The following MYLK variants were observed in gnomAD, a reference collection of about 807,000 sequenced individuals.
The protein encoded by MYLK is myosin light chain kinase.
MYLK carries 106 observed loss-of-function variants against 203.4 expected under a neutral mutation model. The observed-to-expected ratio is 0.52, with a 90% confidence interval of 0.45 to 0.61. MYLK has a LOEUF of 0.61. Ranked by LOEUF, MYLK falls within the 20% of genes least tolerant of loss-of-function variation. MYLK has a pLI of 0.00. For missense variants in MYLK, 2,072 were observed against 2,442.3 expected (o/e 0.85, Z 3.20); for synonymous variants, 867 against 959.5 (o/e 0.90, Z 1.78).
chr3:123,838,218 A>G (rs1236740720), intron 2 of MYLK, among the ~76,000 whole-genome samples: 2 of 152,184 alleles, frequency 1.3e-5, no homozygotes, highest in African/African-American at 4.8e-5. Context: ...TTCTCATCTG[A>G]AAAAGTGCAA....
intron 14 of MYLK, 181 bp from the exon 15 acceptor site, chr3:123,709,076 T>A: frequency 1.8e-6 from 1 of 549,650 alleles, no homozygotes; most frequent in Non-Finnish European, 3.2e-6. Flanking sequence ...TGGGAGGACC[T>A]TAAAATTTGA....
intron 19 of MYLK, 66 bp from the exon 20 acceptor site, chr3:123,682,376 A>G (rs2060299181): frequency 7.7e-7 from 1 of 1,300,068 alleles, no homozygotes; most frequent in South Asian, 1.3e-5. Flanking sequence ...GGGGTCTCTC[A>G]GTCAAAATCC....
intron 2 of MYLK, among the ~76,000 whole-genome samples, chr3:123,876,188 T>TGATTTTCTAATA (rs2033139903): frequency 6.6e-6 from 1 of 152,010 alleles, no homozygotes; most frequent in Non-Finnish European, 1.5e-5. Flanking sequence ...TGGGGTATTT[T>TGATTTTCTAATA]TTTTTTAAAA....
intron 12 of MYLK, among the ~76,000 whole-genome samples, chr3:123,724,217 G>C (rs1440873837): frequency 7.3e-6 from 1 of 136,864 alleles, no homozygotes; most frequent in Non-Finnish European, 1.5e-5. Context: ...CCTGAGCTCA[G>C]GCAATCCACC....
At chr3:123,680,805 G>A (rs546635029) in intron 20 of MYLK, among the ~76,000 whole-genome samples, 1 of 152,278 alleles carries the variant, frequency 6.6e-6, no homozygotes, top group Admixed American at 6.5e-5. Flanking sequence ...TATCAGTACG[G>A]GCAATTAGGA....
intron 2 of MYLK, among the ~76,000 whole-genome samples, chr3:123,850,240 A>G (rs1425316353): frequency 2.6e-5 from 4 of 152,296 alleles, no homozygotes; most frequent in East Asian, 1.9e-4. Flanking sequence ...ATGATTTATC[A>G]TCCTTTGGGT....
chr3:123,690,923 G>C (rs1283992526), intron 19 of MYLK, among the ~76,000 whole-genome samples: 1 of 152,020 alleles, frequency 6.6e-6, no homozygotes, highest in Non-Finnish European at 1.5e-5. Context: ...CAGACTCTGG[G>C]CAAACAAAGC....
At position 123,629,970 on chromosome 3, in the gene MYLK, C is replaced by T; in HGVS notation, c.4962-344G>A. The T allele has an allele frequency of 3.1e-6, 1 of 323,628 alleles. No individual in the cohort carries two copies. The highest frequency in any genetic ancestry group is 6.0e-6 in the Non-Finnish European group (1 of 167,988). 20.0% of individuals were successfully genotyped at this position (323,628 alleles called of 1,614,324 possible). On this transcript the variant is annotated intron_variant, in intron 29 of 33. Coordinates refer to ENST00000360304, the MANE Select transcript of MYLK (RefSeq NM_053025.4). This position sits in a 1 kb window ranked among gnomAD's most constrained non-coding sequence, Gnocchi z 4.4. Reference sequence around the variant, plus strand: ...CCCAAAGCCCAGGCTAGAGCCTTCTCCAAGCCCCTTCCTCCCGTGCTCCTG... The same window carrying T: ...CCCAAAGCCCAGGCTAGAGCCTTCTTCAAGCCCCTTCCTCCCGTGCTCCTG...
intron 3 of MYLK, among the ~76,000 whole-genome samples, chr3:123,805,088 T>C (rs2065323081): frequency 6.6e-6 from 1 of 152,150 alleles, no homozygotes; most frequent in African/African-American, 2.4e-5. Flanking sequence ...GCAGTTGCCA[T>C]CACTCGTTTG....
chr3:123,614,009 G>T lies in MYLK; in HGVS notation c.*96C>A. The T allele has an allele frequency of 6.8e-7, 1 of 1,460,634 alleles. No individual in the cohort carries two copies. The highest frequency in any genetic ancestry group is 9.4e-7 in the Non-Finnish European group (1 of 1,062,058). The allele number at this position is 1,460,634 out of a possible 1,614,324, so 90.5% of individuals were successfully genotyped here. Reference sequence around the variant, plus strand: ...ACCTAACCGATAATCTATCACACTAGGTGCTTTTACTATCTTGAGTTTTTT... The same window carrying T: ...ACCTAACCGATAATCTATCACACTATGTGCTTTTACTATCTTGAGTTTTTT... On this transcript the variant is annotated 3_prime_UTR_variant, in exon 34 of 34. Coordinates refer to ENST00000360304, the MANE Select transcript of MYLK (RefSeq NM_053025.4).
chr3:123,665,428 T>C (rs1177574707), intron 22 of MYLK, among the ~76,000 whole-genome samples: 1 of 152,218 alleles, frequency 6.6e-6, no homozygotes, highest in African/African-American at 2.4e-5. Flanking sequence ...CTCATTTCCA[T>C]CTTTTGAGAC....
chr3:123,653,377 CCT>C (rs2059282385), intron 24 of MYLK, among the ~76,000 whole-genome samples: 2 of 152,140 alleles, frequency 1.3e-5, no homozygotes, highest in Admixed American at 1.3e-4. Flanking sequence ...CCTGGAATCC[CCT>C]CAACCAGAGT....
intron 3 of MYLK, among the ~76,000 whole-genome samples, chr3:123,806,132 T>C (rs1291540343): frequency 2.0e-5 from 3 of 152,264 alleles, no homozygotes; most frequent in African/African-American, 7.2e-5. Context: ...TTAAATCAAT[T>C]ACTTATAATT....
intron 29 of MYLK, among the ~76,000 whole-genome samples, chr3:123,631,343 A>G (rs1198113222): frequency 6.6e-6 from 1 of 150,854 alleles, no homozygotes; most frequent in Admixed American, 6.6e-5. Flanking sequence ...GGTTGCAGTG[A>G]GCCAATATCG....
intron 26 of MYLK, 144 bp from the exon 27 acceptor site, chr3:123,647,571 CTGTT>C (rs1399242947): frequency 1.4e-6 from 1 of 739,318 alleles, no homozygotes; most frequent in Non-Finnish European, 2.4e-6. Flanking sequence ...CCCTGCCTGG[CTGTT>C]TGCATGTTGT....
At chr3:123,686,289 T>C (rs1158754885) in intron 19 of MYLK, among the ~76,000 whole-genome samples, 1 of 151,778 alleles carries the variant, frequency 6.6e-6, no homozygotes, top group African/African-American at 2.4e-5. Context: ...GGCCTCTACA[T>C]TGAGAGGAAA....
intron 20 of MYLK, among the ~76,000 whole-genome samples, chr3:123,672,954 A>C (rs1248806058): frequency 6.6e-6 from 1 of 152,146 alleles, no homozygotes; most frequent in Non-Finnish European, 1.5e-5. Flanking sequence ...GGAGTATCAT[A>C]ATGTTTCCAT....
chr3:123,682,510 C>T (rs894156838), intron 19 of MYLK, among the ~76,000 whole-genome samples, 200 bp from the exon 20 acceptor site: 3 of 152,352 alleles, frequency 2.0e-5, no homozygotes, highest in African/African-American at 7.2e-5. Context: ...GTCCACTACC[C>T]TGGGCCTGAT....
chr3:123,834,122 TG>T (rs1472615251), intron 2 of MYLK, among the ~76,000 whole-genome samples: 1 of 152,208 alleles, frequency 6.6e-6, no homozygotes, highest in African/African-American at 2.4e-5. Flanking sequence ...CTCAGCTCAC[TG>T]CAACCTCTGC....
Sources: gnomAD v4.1 joint callset for allele counts (sites outside exome capture counted in the v4.1 genomes callset) on GRCh38, gnomAD v4.1.1 for gene constraint, Gnocchi (gnomAD v3.1) non-coding constraint, MANE v1.5 for transcripts, NCBI Gene and HGNC (gene_info 2026-07-23, HGNC 2026-07-21) for gene names.